The following MMP16 variants were observed in gnomAD, a reference collection of about 807,000 sequenced individuals.
The protein encoded by MMP16 is matrix metallopeptidase 16.
Under a neutral mutation model 67.8 loss-of-function variants are expected in MMP16, and 12 were observed. The ratio of observed to expected loss-of-function variants is 0.18; its 90% CI spans 0.11 to 0.29. The LOEUF (loss-of-function observed/expected upper bound fraction) is 0.29. MMP16 is among the 10% of genes least tolerant of loss of function. MMP16 has a pLI of 1.00. For missense variants in MMP16, 475 were observed against 765.7 expected (o/e 0.62, Z 4.48); for synonymous variants, 249 against 255.9 (o/e 0.97, Z 0.26).
At chr8:88,293,236 C>A (rs1293067877) in intron 1 of MMP16, among the ~76,000 whole-genome samples, 1 of 152,094 alleles carries the variant, frequency 6.6e-6, no homozygotes, top group African/African-American at 2.4e-5. Flanking sequence ...GTTTTTATGT[C>A]TTACTACCTT....
In MMP16 at chr8:88,197,878, C is replaced by T. The variant is rs150864085; in HGVS notation, c.133-572G>A. 2.4e-3 allele frequency among the ~76,000 whole-genome samples: 372 copies of T among 152,236 alleles called. 1 individual carries two copies. The highest frequency in any genetic ancestry group is 8.6e-3 in the African/African-American group (357 of 41,544). The stretch of plus-strand genomic sequence containing the variant: ...GCTAGGTATCTTTTGATGACTTTAC[C>T]AGGTAAAGAATATTCTTTCTTCATT... On this transcript the variant is annotated intron_variant, in intron 1 of 9. Coordinates refer to ENST00000286614, the MANE Select transcript of MMP16 (RefSeq NM_005941.5).
intron 6 of MMP16, among the ~76,000 whole-genome samples, chr8:88,081,845 G>A (rs1367068571): frequency 6.6e-6 from 1 of 152,060 alleles, no homozygotes; most frequent in Non-Finnish European, 1.5e-5. Context: ...ATGATGAAGT[G>A]AAAGGAACTC....
At chr8:88,082,120 C>G (rs368635500) in intron 6 of MMP16, among the ~76,000 whole-genome samples, 15 of 152,062 alleles carry the variant, frequency 9.9e-5, no homozygotes, top group African/African-American at 3.6e-4. Context: ...TATAGAAAAA[C>G]CAGTAAAAGA....
chr8:88,131,758 TC>T (rs1808034841), intron 4 of MMP16, among the ~76,000 whole-genome samples: 1 of 151,838 alleles, frequency 6.6e-6, no homozygotes, highest in Admixed American at 6.6e-5. Context: ...TCTTAATAGT[TC>T]CCCTAACAAA....
intron 4 of MMP16, among the ~76,000 whole-genome samples, chr8:88,163,583 C>T (rs1189553515): frequency 6.6e-6 from 1 of 151,954 alleles, no homozygotes; most frequent in East Asian, 1.9e-4. Flanking sequence ...AGATAACCTG[C>T]TTTGCTTGGA....
chr8:88,284,845 T>G (rs1425187031), intron 1 of MMP16, among the ~76,000 whole-genome samples: 1 of 151,986 alleles, frequency 6.6e-6, no homozygotes, highest in African/African-American at 2.4e-5. Context: ...CCTTTTTTTT[T>G]TTTTTTAATT....
chr8:88,311,448 G>A (rs2130066935), intron 1 of MMP16, among the ~76,000 whole-genome samples: 1 of 152,294 alleles, frequency 6.6e-6, no homozygotes, highest in East Asian at 1.9e-4. Flanking sequence ...AACATCAGAA[G>A]TGTGAATGCA....
At chr8:88,263,052 TAAAA>T (rs1399440611) in intron 1 of MMP16, among the ~76,000 whole-genome samples, 1 of 127,514 alleles carries the variant, frequency 7.8e-6, no homozygotes, top group Non-Finnish European at 1.6e-5. Context: ...ATAAATAAAA[TAAAA>T]AAAGTTTTTT....
chr8:88,324,909 CA>C (rs1227814928), intron 1 of MMP16, among the ~76,000 whole-genome samples: 2 of 151,930 alleles, frequency 1.3e-5, no homozygotes, highest in Non-Finnish European at 2.9e-5. Flanking sequence ...CTTATAAATC[CA>C]ACCAAAATGA....
At chr8:88,276,615 A>G (rs1364503749) in intron 1 of MMP16, among the ~76,000 whole-genome samples, 2 of 152,116 alleles carry the variant, frequency 1.3e-5, no homozygotes, top group African/African-American at 4.8e-5. Context: ...GCTTTACAAT[A>G]CTAAAATCTC....
chr8:88,092,222 T>C (rs1172138478), intron 6 of MMP16, among the ~76,000 whole-genome samples: 1 of 150,132 alleles, frequency 6.7e-6, no homozygotes, highest in African/African-American at 2.5e-5. Context: ...GTATAGGCTC[T>C]ATGGCTATAA....
chr8:88,173,379 A>C (rs1052684540), intron 3 of MMP16, among the ~76,000 whole-genome samples: 15 of 152,192 alleles, frequency 9.9e-5, no homozygotes, highest in African/African-American at 3.4e-4. Flanking sequence ...TACCTTTTTA[A>C]AGTATTGTTT....
At chr8:88,127,126 T>C (rs900298308) in intron 4 of MMP16, among the ~76,000 whole-genome samples, 2 of 151,862 alleles carry the variant, frequency 1.3e-5, no homozygotes, top group Non-Finnish European at 2.9e-5. Flanking sequence ...GTGCACCAAC[T>C]GGTTAAACAT....
At chr8:88,194,058 GTTAA>G (rs1809212764) in intron 2 of MMP16, among the ~76,000 whole-genome samples, 2 of 151,816 alleles carry the variant, frequency 1.3e-5, no homozygotes, top group Non-Finnish European at 2.9e-5. Flanking sequence ...TAATACCATT[GTTAA>G]TTAATATTAA....
intron 4 of MMP16, among the ~76,000 whole-genome samples, chr8:88,141,140 T>C (rs561327745): frequency 2.6e-5 from 4 of 152,254 alleles, no homozygotes; most frequent in South Asian, 2.1e-4. Context: ...TGAAAAAAGT[T>C]TGGCTCTCTC....
chr8:88,327,168 A>C lies in MMP16; in HGVS notation c.39T>G (p.Asp13Glu). Residue 13 changes from aspartate (D) to glutamate (E), a missense_variant, in exon 1 of 10, where the codon GAT becomes GAG. By Grantham distance (45) the Asp-to-Glu change is conservative. Coordinates refer to ENST00000286614, the MANE Select transcript of MMP16 (RefSeq NM_005941.5). ...LLTFSTGRRL[D>E]FVHHSGVFFL... Reference sequence around the variant, plus strand: ...AAAACACCCCCGAATGATGCACGAAATCCAACCGTCTTCCAGTGCTGAATG... The same window carrying C: ...AAAACACCCCCGAATGATGCACGAACTCCAACCGTCTTCCAGTGCTGAATG... 6.2e-7 allele frequency: 1 copy of C among 1,614,094 alleles called. No individual in the cohort carries two copies. The highest frequency in any genetic ancestry group is 8.5e-7 in the Non-Finnish European group (1 of 1,180,000).
intron 2 of MMP16, among the ~76,000 whole-genome samples, chr8:88,191,346 T>TAA (rs1225489462): frequency 6.6e-6 from 1 of 152,188 alleles, no homozygotes; most frequent in Non-Finnish European, 1.5e-5. Flanking sequence ...AAGAATGAAT[T>TAA]AGTTAAATCA....
chr8:88,284,027 G>T (rs144911030), intron 1 of MMP16, among the ~76,000 whole-genome samples: 315 of 152,268 alleles, frequency 2.1e-3, no homozygotes, highest in Non-Finnish European at 3.6e-3. Context: ...TTCATGAATT[G>T]TTTGCCCCCA....
intron 1 of MMP16, among the ~76,000 whole-genome samples, chr8:88,239,129 G>A (rs1359344889): frequency 6.6e-6 from 1 of 151,330 alleles, no homozygotes; most frequent in Admixed American, 6.6e-5. Context: ...CTTTCCCTGT[G>A]TTCCCCAAAT....
Sources: gnomAD v4.1 joint callset for allele counts (sites outside exome capture counted in the v4.1 genomes callset) on GRCh38, gnomAD v4.1.1 for gene constraint, MANE v1.5 for transcripts, NCBI Gene and HGNC (gene_info 2026-07-23, HGNC 2026-07-21) for gene names.